ITGA6: variants seen among roughly 807,000 people sequenced by gnomAD.
The protein encoded by ITGA6 is integrin alpha-6.
In ITGA6, 63 loss-of-function variants were observed where a neutral mutation model predicts 133.6. That is an observed-to-expected ratio of 0.47 (90% CI 0.38 to 0.58). ITGA6 has a LOEUF of 0.58. Ranked by LOEUF, ITGA6 falls within the 20% of genes least tolerant of loss-of-function variation. The pLI is 0.00. For missense variants in ITGA6, 1,068 were observed against 1,309.4 expected, an observed-to-expected ratio of 0.82 and a Z score of 2.85; for synonymous variants, 434 against 482.0, an observed-to-expected ratio of 0.90 and a Z score of 1.30.
At chr2:172,487,521 T>A in intron 15 of ITGA6, 26 bp from the exon 16 acceptor site, 1 of 1,612,828 alleles carries the variant, frequency 6.2e-7, no homozygotes, top group Non-Finnish European at 8.5e-7. Context: ...GAGTGGATTG[T>A]GACCTAGCGT....
chr2:172,485,151 C>G lies in ITGA6; in HGVS notation c.1741C>G (p.Pro581Ala), dbSNP rs1251884501. 2 of 1,613,776 alleles carry G rather than the reference C, an allele frequency of 1.2e-6. No individual in the cohort carries two copies. Among genetic ancestry groups the G allele is most frequent in the African/African-American group, 1.3e-5 (1 of 74,934 alleles). The change falls in exon 13 of 26, where the codon CCC becomes GCC. Residue 581 changes from proline (P) to alanine (A), a missense_variant. This residue lies in a region of ITGA6 where 609 missense variants were observed against 707.2 expected (regional missense o/e 0.86). Transcript: ENST00000684293. The stretch of plus-strand genomic sequence containing the variant: ...TATCAGAGATAAACTGCGTCCCATT[C>G]CCATAACTGCCTCAGTGGAGATCCA... ...DNIRDKLRPI[P>A]ITASVEIQEP...
At chr2:172,483,049 G>A (rs1686518416) in intron 11 of ITGA6, among the ~76,000 whole-genome samples, 3 of 152,166 alleles carry the variant, frequency 2.0e-5, no homozygotes, top group South Asian at 2.1e-4. Flanking sequence ...AAATCACAGC[G>A]TAGTGGGCTT....
At chr2:172,460,182 A>G (rs1418078877) in intron 1 of ITGA6, among the ~76,000 whole-genome samples, 1 of 152,240 alleles carries the variant, frequency 6.6e-6, no homozygotes, top group East Asian at 1.9e-4. Context: ...AGCACTGAGT[A>G]ATACTTATTT....
intron 25 of ITGA6, 32 bp from the exon 26 acceptor site, chr2:172,504,054 ATTAAT>A: frequency 6.7e-7 from 1 of 1,503,656 alleles, no homozygotes; most frequent in South Asian, 1.3e-5. Flanking sequence ...TCTTTGTGAG[ATTAAT>A]TTGTTTCTCT....
intron 1 of ITGA6, among the ~76,000 whole-genome samples, chr2:172,428,979 C>T (rs1029816780): frequency 6.6e-6 from 1 of 152,182 alleles, no homozygotes; most frequent in African/African-American, 2.4e-5. Flanking sequence ...AAAAGGTCTC[C>T]CCTCCCCACC....
At chr2:172,465,767 T>A in intron 2 of ITGA6, 104 bp downstream of exon 2, 1 of 1,439,754 alleles carries the variant, frequency 6.9e-7, no homozygotes, top group Non-Finnish European at 9.8e-7. Context: ...AGAGAGGACT[T>A]CTTTTAATTG....
intron 1 of ITGA6, among the ~76,000 whole-genome samples, chr2:172,447,325 C>T (rs943902316): frequency 3.3e-5 from 5 of 152,142 alleles, no homozygotes; most frequent in African/African-American, 1.2e-4. Context: ...ATGCCTCAGC[C>T]TCCCAAGTAG....
chr2:172,429,107 A>G (rs1684003410), intron 1 of ITGA6, among the ~76,000 whole-genome samples: 1 of 152,096 alleles, frequency 6.6e-6, no homozygotes, highest in Admixed American at 6.5e-5. Flanking sequence ...GAACTGGAGG[A>G]AACCTCTTGA....
At chr2:172,496,652 CCTTTA>C (rs66504911) in intron 23 of ITGA6, among the ~76,000 whole-genome samples, 29,131 of 151,892 alleles carry the variant, frequency 0.19, 3,904 homozygotes, top group African/African-American at 0.39. Flanking sequence ...GTTTTGTTTC[CCTTTA>C]CTTTACATTC....
intron 23 of ITGA6, among the ~76,000 whole-genome samples, chr2:172,496,783 G>A (rs1001905243): frequency 6.6e-6 from 1 of 152,130 alleles, no homozygotes; most frequent in Admixed American, 6.5e-5. Flanking sequence ...AATAGTTCCT[G>A]GTATCACAAA....
chr2:172,437,123 A>G (rs974194990), intron 1 of ITGA6, among the ~76,000 whole-genome samples: 2 of 152,232 alleles, frequency 1.3e-5, no homozygotes, highest in Non-Finnish European at 2.9e-5. Flanking sequence ...GGCAGATTGT[A>G]TAGGGCCTTA....
intron 1 of ITGA6, among the ~76,000 whole-genome samples, chr2:172,458,827 C>T (rs1685316039): frequency 6.6e-6 from 1 of 152,074 alleles, no homozygotes; most frequent in South Asian, 2.1e-4. Flanking sequence ...AGGCAAAATG[C>T]TTAGAATTTT....
intron 1 of ITGA6, among the ~76,000 whole-genome samples, chr2:172,459,279 G>A (rs964883939): frequency 3.3e-5 from 5 of 152,246 alleles, no homozygotes; most frequent in East Asian, 1.9e-4. Flanking sequence ...CAAGGTAGGC[G>A]GATCCCTTGA....
chr2:172,467,896 A>AGAAT (rs573417173), intron 3 of ITGA6, among the ~76,000 whole-genome samples: 149 of 152,286 alleles, frequency 9.8e-4, no homozygotes, highest in African/African-American at 3.4e-3. Context: ...CTGAGACAGG[A>AGAAT]GAATCGCTTG....
chr2:172,448,159 T>C (rs927666752), intron 1 of ITGA6, among the ~76,000 whole-genome samples: 3 of 152,260 alleles, frequency 2.0e-5, no homozygotes, highest in African/African-American at 7.2e-5. Context: ...TTGCTGGTCT[T>C]GTGCTCCAGT....
chr2:172,494,969 A>G (rs1687070667), intron 23 of ITGA6, among the ~76,000 whole-genome samples: 1 of 152,222 alleles, frequency 6.6e-6, no homozygotes, highest in Non-Finnish European at 1.5e-5. Context: ...CTTAAAATTC[A>G]GAGAACAACT....
intron 1 of ITGA6, among the ~76,000 whole-genome samples, chr2:172,443,168 T>A (rs1473865116): frequency 6.6e-6 from 1 of 152,224 alleles, no homozygotes; most frequent in Non-Finnish European, 1.5e-5. Context: ...CATAGATTTT[T>A]TTTACCCATT....
intron 23 of ITGA6, among the ~76,000 whole-genome samples, chr2:172,495,015 A>G (rs905858896): frequency 1.8e-4 from 28 of 152,370 alleles, no homozygotes; most frequent in African/African-American, 6.5e-4. Flanking sequence ...GGCCTGTTAT[A>G]TGATAAACAC....
chr2:172,496,505 T>C (rs937261529), intron 23 of ITGA6, among the ~76,000 whole-genome samples: 3 of 152,162 alleles, frequency 2.0e-5, no homozygotes, highest in African/African-American at 7.2e-5. Flanking sequence ...AGTACTTTGA[T>C]GAGAGATTTT....
Sources: allele counts gnomAD v4.1 joint callset (sites outside exome capture counted in the v4.1 genomes callset), GRCh38; gene constraint gnomAD v4.1.1; regional missense constraint gnomAD v4.1.1; transcripts MANE v1.5; gene names NCBI Gene and HGNC (gene_info 2026-07-23, HGNC 2026-07-21).